CSTPP1: variants seen among roughly 807,000 people sequenced by gnomAD.
CSTPP1 encodes UPF0705 protein C11orf49.
the CSTPP1 span, chr11:47,162,021 C>T: frequency 4.0e-6 from 4 of 1,008,144 alleles, no homozygotes; most frequent in Middle Eastern, 4.9e-4. Context: ...GGGGAGAACC[C>T]GAATAGCCAC....
chr11:46,949,311 G>A, the CSTPP1 span, among the ~76,000 whole-genome samples: 368 of 152,300 alleles, frequency 2.4e-3, 1 homozygote, highest in African/African-American at 8.1e-3. Context: ...CAGACCTGCT[G>A]TTTAGAAACA....
chr11:46,999,015 C>G, the CSTPP1 span, among the ~76,000 whole-genome samples: 1 of 152,144 alleles, frequency 6.6e-6, no homozygotes, highest in East Asian at 1.9e-4. Flanking sequence ...GCTGGGATTA[C>G]AGGTGTGAGC....
the CSTPP1 span, among the ~76,000 whole-genome samples, chr11:47,044,878 C>T: frequency 1.7e-4 from 26 of 152,148 alleles, no homozygotes; most frequent in African/African-American, 6.3e-4. Context: ...TACTGCACTC[C>T]AGCCTGGGCA....
the CSTPP1 span, among the ~76,000 whole-genome samples, chr11:47,121,890 A>G: frequency 2.0e-5 from 3 of 151,350 alleles, no homozygotes; most frequent in African/African-American, 7.3e-5. Flanking sequence ...TGGGCAACAT[A>G]GTAAACACAG....
chr11:47,083,034 C>T, the CSTPP1 span, among the ~76,000 whole-genome samples: 18 of 151,818 alleles, frequency 1.2e-4, no homozygotes, highest in African/African-American at 2.2e-4. Flanking sequence ...TCTCCCTCCC[C>T]CGACCTCACC....
At chr11:47,103,079 A>G in the CSTPP1 span, among the ~76,000 whole-genome samples, 1 of 151,720 alleles carries the variant, frequency 6.6e-6, no homozygotes, top group Non-Finnish European at 1.5e-5. Context: ...CAGGAAGGGA[A>G]TAATTGACTA....
chr11:47,047,658 AAAT>A, the CSTPP1 span, among the ~76,000 whole-genome samples: 1 of 152,262 alleles, frequency 6.6e-6, no homozygotes, highest in East Asian at 1.9e-4. Flanking sequence ...AAATATAGAT[AAAT>A]TGGACTTCAT....
the CSTPP1 span, among the ~76,000 whole-genome samples, chr11:47,054,841 C>A: frequency 1.3e-5 from 2 of 151,680 alleles, no homozygotes; most frequent in Non-Finnish European, 2.9e-5. Context: ...GAGAGAAGAC[C>A]GTGGTAATTT....
the CSTPP1 span, among the ~76,000 whole-genome samples, chr11:47,149,332 T>A: frequency 1.3e-5 from 2 of 152,168 alleles, no homozygotes; most frequent in African/African-American, 4.8e-5. Flanking sequence ...CACCTCCAGG[T>A]GTCAGAAGCA....
the CSTPP1 span, among the ~76,000 whole-genome samples, chr11:46,979,090 G>T: frequency 1.3e-5 from 2 of 152,112 alleles, no homozygotes; most frequent in Non-Finnish European, 2.9e-5. Flanking sequence ...AATGATAATT[G>T]ATAAATACAT....
the CSTPP1 span, among the ~76,000 whole-genome samples, chr11:46,979,227 C>T: frequency 6.6e-6 from 1 of 152,152 alleles, no homozygotes; most frequent in African/African-American, 2.4e-5. Context: ...GGACCATAGG[C>T]ATGCATCACC....
At chr11:47,158,049 GGACTC>G in the CSTPP1 span, 1 of 806,218 alleles carries the variant, frequency 1.2e-6, no homozygotes, top group Non-Finnish European at 2.0e-6. Context: ...TCCCAGGGCC[GGACTC>G]AATCCCAGGG....
chr11:47,059,297 A>C, the CSTPP1 span, among the ~76,000 whole-genome samples: 3 of 152,210 alleles, frequency 2.0e-5, no homozygotes, highest in African/African-American at 4.8e-5. Flanking sequence ...CATTCTGTAC[A>C]TCTATCCCGT....
chr11:46,992,500 C>T, the CSTPP1 span, among the ~76,000 whole-genome samples: 1 of 150,376 alleles, frequency 6.6e-6, no homozygotes, highest in Non-Finnish European at 1.5e-5. Context: ...TTGGTTTTCT[C>T]TCCTTGTGAC....
the CSTPP1 span, among the ~76,000 whole-genome samples, chr11:47,136,771 C>T: frequency 6.6e-6 from 1 of 152,188 alleles, no homozygotes; most frequent in Non-Finnish European, 1.5e-5. Flanking sequence ...TTAGCATTAC[C>T]AGGCCCTTCC....
the CSTPP1 span, among the ~76,000 whole-genome samples, chr11:47,144,980 ATTTTTTTTT>A: frequency 2.2e-5 from 2 of 92,874 alleles, no homozygotes; most frequent in African/African-American, 6.8e-5. Context: ...ATTGCCTGCC[ATTTTTTTTT>A]TTTTTTTTTT....
chr11:47,008,002 C>G, the CSTPP1 span, among the ~76,000 whole-genome samples: 2 of 152,078 alleles, frequency 1.3e-5, no homozygotes, highest in Non-Finnish European at 2.9e-5. Flanking sequence ...GAGTCTCACT[C>G]TGTCGCCCAG....
At chr11:46,981,401 A>G in the CSTPP1 span, among the ~76,000 whole-genome samples, 1 of 152,150 alleles carries the variant, frequency 6.6e-6, no homozygotes, top group African/African-American at 2.4e-5. Flanking sequence ...ATCTATGGGA[A>G]CTGGAATTAG....
chr11:47,127,944 T>C, the CSTPP1 span, among the ~76,000 whole-genome samples: 1 of 152,052 alleles, frequency 6.6e-6, no homozygotes, highest in South Asian at 2.1e-4. Flanking sequence ...TGGTGTGATC[T>C]TGGCTCACTG....
Sources: allele counts gnomAD v4.1 joint callset (sites outside exome capture counted in the v4.1 genomes callset), GRCh38; gene constraint gnomAD v4.1.1; transcripts MANE v1.5; gene names NCBI Gene and HGNC (gene_info 2026-07-23, HGNC 2026-07-21).